Variants in CDH23 observed in about 807,000 individuals in gnomAD.
CDH23 encodes cadherin-23.
A neutral mutation model predicts 317.1 loss-of-function variants in CDH23; 189 were observed. That is an observed-to-expected ratio of 0.60 (90% CI 0.53 to 0.67). The LOEUF (loss-of-function observed/expected upper bound fraction) is 0.67. Among genes scored for constraint, CDH23 ranks in the 30% least tolerant of loss-of-function variants. The pLI is 0.00. For synonymous variants in CDH23, 1,839 were observed against 1,876.8 expected (o/e 0.98, Z 0.52); for missense variants, 4,401 against 4,592.4 (o/e 0.96, Z 1.20).
chr10:71,429,017 T>C (rs1352277585), intron 1 of CDH23, among the ~76,000 whole-genome samples: 2 of 152,250 alleles, frequency 1.3e-5, no homozygotes, highest in Non-Finnish European at 2.9e-5. Context: ...GTAGATATTT[T>C]CTGTAGGTTG....
intron 69 of CDH23, among the ~76,000 whole-genome samples, chr10:71,814,647 CACACACACACACACAATTTTCACAAGAA>C (rs1344581201): frequency 8.0e-5 from 12 of 149,558 alleles, no homozygotes; most frequent in Middle Eastern, 6.8e-3. Flanking sequence ...CACACACATA[CACACACACACACACAATTTTCACAAGAA>C]GCCGATACAC....
At chr10:71,504,825 G>C (rs1853544734) in intron 3 of CDH23, among the ~76,000 whole-genome samples, 1 of 152,216 alleles carries the variant, frequency 6.6e-6, no homozygotes, top group African/African-American at 2.4e-5. Context: ...CGTTTTTTCT[G>C]ATTGGTTGAT....
rs1050284083 is a variant in CDH23, at chr10:71,715,905, G to A, written c.3369+3092G>A. 6 of 1,444,466 alleles carry A rather than the reference G, an allele frequency of 4.2e-6. No individual in the cohort carries two copies. The African/African-American group carries it at 4.4e-5, about 10-fold the overall frequency. The allele number at this position is 1,444,466 out of a possible 1,614,324, so 89.5% of individuals were successfully genotyped here. On this transcript the variant is annotated intron_variant, in intron 28 of 69. Transcript: ENST00000224721. The stretch of plus-strand genomic sequence containing the variant: ...AGGAGGATCTACAGGTAGACCTAGG[G>A]GGATGTGGGGGCATGTTTGTGGACA...
chr10:71,522,608 G>A (rs939040276), intron 6 of CDH23, among the ~76,000 whole-genome samples: 1 of 152,158 alleles, frequency 6.6e-6, no homozygotes, highest in Non-Finnish European at 1.5e-5. Flanking sequence ...CACTGTGCAG[G>A]TGATATGGGA....
chr10:71,565,849 C>T (rs1449469673), intron 6 of CDH23, among the ~76,000 whole-genome samples: 1 of 152,180 alleles, frequency 6.6e-6, no homozygotes, highest in East Asian at 1.9e-4. Flanking sequence ...ATGGTCTGTC[C>T]ATCCCTGAAA....
intron 38 of CDH23, among the ~76,000 whole-genome samples, chr10:71,746,430 G>T (rs569471051): frequency 1.3e-5 from 2 of 152,182 alleles, no homozygotes; most frequent in Non-Finnish European, 1.5e-5. Flanking sequence ...CATATCACCC[G>T]AACTCGGAAC....
chr10:71,765,520 G>T (rs1589408241), intron 38 of CDH23, among the ~76,000 whole-genome samples: 1 of 152,260 alleles, frequency 6.6e-6, no homozygotes, highest in Admixed American at 6.5e-5. Context: ...GGTGGGGCAG[G>T]GCACCAGGCT....
chr10:71,533,564 CACACACT>C lies in CDH23; in HGVS notation c.429+22353_429+22359del, dbSNP rs1564637131. Among the ~76,000 whole-genome samples, 511 of 119,284 alleles carry C rather than the reference CACACACT, an allele frequency of 4.3e-3. 4 individuals carry two copies. The highest frequency in any genetic ancestry group is 0.01 in the African/African-American group (320 of 31,876). 78.3% of individuals were successfully genotyped at this position (119,284 alleles called of 152,430 possible). A position where few individuals can be genotyped will look rare whatever the true frequency, so the allele number is the denominator to read the frequency against. On this transcript the variant is annotated intron_variant, in intron 6 of 69. Coordinates refer to ENST00000224721, the MANE Select transcript of CDH23 (RefSeq NM_022124.6). ...ACACACACACACACACACACACACA[CACACACT>C]GGCTGGGGCTGCAGAGGCCAGAAGG... is the stretch of plus-strand genomic sequence containing the variant.
intron 62 of CDH23, 131 bp from the exon 63 acceptor site, chr10:71,811,184 C>A: frequency 7.4e-7 from 1 of 1,356,656 alleles, no homozygotes; most frequent in Non-Finnish European, 1.0e-6. Flanking sequence ...AAAGCTGTCC[C>A]AGCCGGTGGA....
chr10:71,674,992 C>A, intron 14 of CDH23, 120 bp from the exon 15 acceptor site: 1 of 856,860 alleles, frequency 1.2e-6, no homozygotes, highest in Non-Finnish European at 1.9e-6. Flanking sequence ...TCACTGGGGT[C>A]TGGGCCTCAG....
intron 38 of CDH23, among the ~76,000 whole-genome samples, chr10:71,774,930 T>C (rs886982317): frequency 3.3e-5 from 5 of 152,120 alleles, no homozygotes; most frequent in African/African-American, 1.2e-4. Context: ...CCCTTAGCCC[T>C]TGCTCTAAGG....
chr10:71,403,662 G>C (rs1847963160), intron 1 of CDH23, among the ~76,000 whole-genome samples: 1 of 151,388 alleles, frequency 6.6e-6, no homozygotes, highest in Admixed American at 6.6e-5. Flanking sequence ...GACTACAGGT[G>C]CACACCACCA....
chr10:71,648,817 C>T (rs948436702), intron 14 of CDH23, among the ~76,000 whole-genome samples: 9 of 152,198 alleles, frequency 5.9e-5, no homozygotes, highest in Non-Finnish European at 2.9e-5. Flanking sequence ...TGGCTTCCTT[C>T]ATCCAAGCCT....
intron 38 of CDH23, among the ~76,000 whole-genome samples, chr10:71,769,994 T>C (rs889927831): frequency 1.3e-5 from 2 of 152,208 alleles, no homozygotes; most frequent in East Asian, 3.9e-4. Flanking sequence ...GGCACCTCCA[T>C]GGGCATTTCA....
intron 41 of CDH23, among the ~76,000 whole-genome samples, chr10:71,783,023 G>T (rs1464726199): frequency 6.6e-6 from 1 of 152,194 alleles, no homozygotes; most frequent in African/African-American, 2.4e-5. Flanking sequence ...CCCTGTCCTT[G>T]CCATGCCCTG....
At chr10:71,770,507 T>C (rs1840662089) in intron 38 of CDH23, among the ~76,000 whole-genome samples, 3 of 152,200 alleles carry the variant, frequency 2.0e-5, no homozygotes, top group Non-Finnish European at 4.4e-5. Flanking sequence ...GCTAAGGGCA[T>C]CTGTGGGGCC....
intron 9 of CDH23, among the ~76,000 whole-genome samples, chr10:71,580,107 G>A (rs1220463899): frequency 6.6e-6 from 1 of 152,224 alleles, no homozygotes; most frequent in African/African-American, 2.4e-5. Flanking sequence ...TTCATGCTGG[G>A]TGCCAGGCTG....
rs776372292 is a variant in CDH23 at position 71,647,141 on chromosome 10, A to C, written c.1449+524A>C. On this transcript the variant is annotated intron_variant, in intron 14 of 69. Coordinates refer to ENST00000224721, the MANE Select transcript of CDH23 (RefSeq NM_022124.6). ...AAACCCTTAAGTAGTTCAAGCAAAAAAGGATTGGCTCATGTAACTCAAAAG... is the reference window on the plus strand; with the variant it reads ...AAACCCTTAAGTAGTTCAAGCAAAACAGGATTGGCTCATGTAACTCAAAAG... The C allele has an allele frequency of 3.1e-6, 3 of 956,026 alleles. No homozygotes were observed. The African/African-American group carries it at 5.3e-5, about 17-fold the overall frequency. 59.2% of individuals were successfully genotyped at this position (956,026 alleles called of 1,614,324 possible).
At chr10:71,447,262 T>C (rs1480703637) in intron 3 of CDH23, among the ~76,000 whole-genome samples, 3 of 151,914 alleles carry the variant, frequency 2.0e-5, no homozygotes, top group Non-Finnish European at 2.9e-5. Flanking sequence ...TGGCTCGGAG[T>C]GGGGCGGGGT....
Sources: gnomAD v4.1 joint callset for allele counts (sites outside exome capture counted in the v4.1 genomes callset) on GRCh38, gnomAD v4.1.1 for gene constraint, MANE v1.5 for transcripts, NCBI Gene and HGNC (gene_info 2026-07-23, HGNC 2026-07-21) for gene names.